NAXE: variants seen among roughly 807,000 people sequenced by gnomAD.
NAXE encodes the protein NAD(P)H-hydrate epimerase.
A neutral mutation model predicts 31.2 loss-of-function variants in NAXE; 25 were observed. The observed-to-expected ratio is 0.80, with a 90% confidence interval of 0.58 to 1.12. The LOEUF (loss-of-function observed/expected upper bound fraction) is 1.12, where lower values mean the gene tolerates loss of function less well. NAXE is among the 50% of genes most tolerant of loss of function. The pLI is 0.00. For synonymous variants in NAXE, 144 were observed against 154.5 expected (o/e 0.93, Z 0.50); for missense variants, 362 against 376.1 (o/e 0.96, Z 0.31).
intron 4 of NAXE, chr1:156,592,935 C>T (rs1175535079): frequency 2.0e-6 from 1 of 507,098 alleles, no homozygotes; most frequent in Non-Finnish European, 3.5e-6. Context: ...CTTGCCCTAG[C>T]ATGCAGTAAA....
chr1:156,593,491 C>G lies in NAXE; in HGVS notation c.600C>G (p.Phe200Leu). 6.2e-7 allele frequency: 1 copy of G among 1,614,194 alleles called. No individual in the cohort carries two copies. The highest frequency in any genetic ancestry group is 1.6e-4 in the Middle Eastern group (1 of 6,062). Residue 200 changes from phenylalanine (F) to leucine (L), a missense_variant, in exon 5 of 6, where the codon TTC (phenylalanine) becomes TTG (leucine). By Grantham distance (22) the Phe-to-Leu change is conservative. Transcript: ENST00000368235. ...TCAAGGGCGATGTTCGGGAACCGTT[C>G]CACAGCATCCTGAGTGTCCTGAAGG... ...FSFKGDVREP[F>L]HSILSVLKGL...
At chr1:156,593,716 T>G (rs1334516580) in intron 5 of NAXE, 161 bp downstream of exon 5, 7 of 1,336,830 alleles carry the variant, frequency 5.2e-6, no homozygotes, top group Non-Finnish European at 7.3e-6. Context: ...CCTTTACATG[T>G]TGGCCCCATG....
At chr1:156,592,513 T>C (rs757334952) in intron 3 of NAXE, 38 bp downstream of exon 3, 1 of 1,613,256 alleles carries the variant, frequency 6.2e-7, no homozygotes, top group South Asian at 1.1e-5. Flanking sequence ...GAGGAGGGCG[T>C]GAGGGCTCTG....
At position 156,593,377 on chromosome 1, in the gene NAXE, G is replaced by A. The variant is rs746753138; in HGVS notation, c.517-31G>A. On this transcript the variant is annotated intron_variant, in intron 4 of 5. Transcript: ENST00000368235. Reference sequence around the variant, plus strand: ...GTTAAGGCTGTTTGTGCAGCTGCTGGCTCTGACATCCTTTTCCTGCTCCAC... The same window carrying A: ...GTTAAGGCTGTTTGTGCAGCTGCTGACTCTGACATCCTTTTCCTGCTCCAC... The A allele has an allele frequency of 6.9e-6, 11 of 1,600,082 alleles. No homozygotes were observed. In the South Asian group the frequency reaches 1.1e-4, roughly 16 times the overall value.
In NAXE at chr1:156,592,681, C is replaced by G; in HGVS notation, c.516+11C>G. The G allele has an allele frequency of 6.3e-7, 1 of 1,596,646 alleles. No individual in the cohort carries two copies. Among genetic ancestry groups the G allele is most frequent in the Non-Finnish European group, 8.6e-7 (1 of 1,164,816 alleles). On this transcript the variant is annotated intron_variant, in intron 4 of 5. Coordinates refer to ENST00000368235, the MANE Select transcript of NAXE (RefSeq NM_144772.3). ...GAAATGCCCGCAGAGGTAGGTGGCT[C>G]CAGTTGAATACCTCCATCCTACAGT...
intron 4 of NAXE, chr1:156,592,979 G>A: frequency 2.3e-6 from 1 of 428,160 alleles, no homozygotes. Context: ...CGGAGTGGCT[G>A]CCCTATCTGA....
chr1:156,592,236 G>A (rs371528001), intron 2 of NAXE, 27 bp downstream of exon 2: 13 of 1,612,448 alleles, frequency 8.1e-6, no homozygotes, highest in African/African-American at 1.3e-5. Flanking sequence ...TCGACCTTTG[G>A]GAGCAGCCAG....
chr1:156,592,784 A>G, intron 4 of NAXE, 114 bp downstream of exon 4: 1 of 958,750 alleles, frequency 1.0e-6, no homozygotes, highest in South Asian at 1.5e-5. Flanking sequence ...AAGGTGCCTA[A>G]CGGATGGTAT....
At position 156,591,994 on chromosome 1, in the gene NAXE, CG is replaced by C; in HGVS notation, c.182+11del. 6.2e-7 allele frequency: 1 copy of C among 1,613,344 alleles called. No homozygotes were observed. Among genetic ancestry groups the C allele is most frequent in the Non-Finnish European group, 8.5e-7 (1 of 1,179,738 alleles). ...GGTGGTGAAGTACCTGAGGTAGGCA[CG>C]GGTCTCGGGTGGCCTGCTCTGCCCC... On this transcript the variant is annotated intron_variant, in intron 1 of 5. Coordinates refer to ENST00000368235, the MANE Select transcript of NAXE (RefSeq NM_144772.3).
rs538488834 is a variant in NAXE, at chr1:156,592,215, T to C, written c.291+6T>C. Reference sequence around the variant, plus strand: ...GTGCTACAGCCATCGCCAAGGTCAGTGGCACAACTCTCGACCTTTGGGAGC... The same window carrying C: ...GTGCTACAGCCATCGCCAAGGTCAGCGGCACAACTCTCGACCTTTGGGAGC... On this transcript the variant is annotated splice_donor_region_variant and intron_variant, in intron 2 of 5. Coordinates refer to ENST00000368235, the MANE Select transcript of NAXE (RefSeq NM_144772.3). 399 of 1,613,910 alleles carry C rather than the reference T, an allele frequency of 2.5e-4. No individual in the cohort carries two copies. Among genetic ancestry groups the C allele is most frequent in the Non-Finnish European group, 2.7e-4 (320 of 1,179,934 alleles).
At position 156,593,464 on chromosome 1, in the gene NAXE, C is replaced by T. The variant is rs1057415333; in HGVS notation, c.573C>T (p.Ser191=). The T allele has an allele frequency of 6.2e-7, 1 of 1,614,154 alleles. No individual in the cohort carries two copies. ...TGGTGGATGCCATCTTTGGCTTCAGCTTCAAGGGCGATGTTCGGGAACCGT... is the reference window on the plus strand; with the variant it reads ...TGGTGGATGCCATCTTTGGCTTCAGTTTCAAGGGCGATGTTCGGGAACCGT... ...ELVVDAIFGF[S]FKGDVREPFH... The change falls in exon 5 of 6, where the codon AGC becomes AGT. Residue 191 remains serine (S), a synonymous_variant. Coordinates refer to ENST00000368235, the MANE Select transcript of NAXE (RefSeq NM_144772.3).
Position 156,591,783 on chromosome 1 carries a change from G to GCCGGGCCGGA in NAXE, c.-22_-21insCCGGGCCGGA, listed in dbSNP as rs1553232269. 4 of 1,503,006 alleles carry GCCGGGCCGGA rather than the reference G, an allele frequency of 2.7e-6. No homozygotes were observed. The African/African-American group carries it at 5.8e-5, about 22-fold the overall frequency. The allele number at this position is 1,503,006 out of a possible 1,614,324, so 93.1% of individuals were successfully genotyped here. ...ATGCGCCGGGGCCGGGCCGGGCCGG[G>GCCGGGCCGGA]GGCGCGCGCTCTGCGAGCTGGATGT... On this transcript the variant is annotated 5_prime_UTR_variant, in exon 1 of 6. Transcript: ENST00000368235.
At position 156,593,410 on chromosome 1, in the gene NAXE, C is replaced by G. The variant is rs759582216; in HGVS notation, c.519C>G (p.Pro173=). Residue 173 remains proline, a splice_region_variant and synonymous_variant, in exon 5 of 6, where the codon CCC becomes CCG. Coordinates refer to ENST00000368235, the MANE Select transcript of NAXE (RefSeq NM_144772.3). ...IPFLGEMPAE[P]MTIDELYELV... is the part of the protein sequence containing the mutation. The stretch of plus-strand genomic sequence containing the variant: ...ATCCTTTTCCTGCTCCACCACAGCC[C>G]ATGACGATTGATGAACTGTATGAGC... 1 of 1,613,446 alleles carries G rather than the reference C, an allele frequency of 6.2e-7. No individual in the cohort carries two copies. The highest frequency in any genetic ancestry group is 8.5e-7 in the Non-Finnish European group (1 of 1,179,650).
chr1:156,593,112 A>G (rs527654537), intron 4 of NAXE: 11 of 447,846 alleles, frequency 2.5e-5, no homozygotes, highest in Middle Eastern at 5.9e-4. Flanking sequence ...ACTAAATTGT[A>G]TCATGGCAGA....
chr1:156,592,274 C>T, intron 2 of NAXE, 65 bp downstream of exon 2: 2 of 1,605,180 alleles, frequency 1.2e-6, no homozygotes, highest in Non-Finnish European at 1.7e-6. Context: ...AGCCCCCTGG[C>T]CTAGGCACAA....
At chr1:156,592,268 C>T in intron 2 of NAXE, 59 bp downstream of exon 2, 1 of 1,608,114 alleles carries the variant, frequency 6.2e-7, no homozygotes, top group Non-Finnish European at 8.5e-7. Context: ...TGTCCCAGCC[C>T]CCTGGCCTAG....
chr1:156,592,075 G>A lies in NAXE; in HGVS notation c.183-26G>A, dbSNP rs1363370204. On this transcript the variant is annotated intron_variant, in intron 1 of 5. Coordinates refer to ENST00000368235, the MANE Select transcript of NAXE (RefSeq NM_144772.3). Reference sequence around the variant, plus strand: ...TGCGCGACAGAGAACACGAGGGGCGGGACTCAGGCCGCGGGTTTTCCTCAG... The same window carrying A: ...TGCGCGACAGAGAACACGAGGGGCGAGACTCAGGCCGCGGGTTTTCCTCAG... 1.9e-6 allele frequency: 3 copies of A among 1,614,016 alleles called. No homozygotes were observed. In the East Asian group the frequency reaches 6.7e-5, roughly 36 times the overall value.
chr1:156,592,389 A>G lies in NAXE; in HGVS notation c.316A>G (p.Arg106Gly). The G allele has an allele frequency of 2.5e-6, 4 of 1,614,136 alleles. No individual in the cohort carries two copies. The highest frequency in any genetic ancestry group is 1.7e-4 in the Middle Eastern group (1 of 6,054). The change falls in exon 3 of 6, where the codon AGG becomes GGG. Residue 106 changes from arginine (R) to glycine (G), a missense_variant. Physicochemically the swap from Arg to Gly is moderately radical, Grantham distance 125 (BLOSUM62 -2). Transcript: ENST00000368235. ...GGCATATCCCCCCACGTCCATGTCCAGGAGCCCCCCTACTGTCCTGGTCAT... is the reference window on the plus strand; with the variant it reads ...GGCATATCCCCCCACGTCCATGTCCGGGAGCCCCCCTACTGTCCTGGTCAT... ...AKAYPPTSMS[R>G]SPPTVLVICG...
chr1:156,592,463 C>T lies in NAXE; in HGVS notation c.390C>T (p.His130=). The T allele has an allele frequency of 6.2e-7, 1 of 1,614,134 alleles. No individual in the cohort carries two copies. The highest frequency in any genetic ancestry group is 1.3e-5 in the African/African-American group (1 of 75,022). The stretch of plus-strand genomic sequence containing the variant: ...GAGATGGTCTGGTCTGTGCTCGACA[C>T]CTCAAACTCTTTGTGAGTATGTGGG... ...NGGDGLVCAR[H]LKLFGYEPTI... The change falls in exon 3 of 6, where the codon CAC becomes CAT. Residue 130 remains histidine, a synonymous_variant. Transcript: ENST00000368235.
Sources: gnomAD v4.1 joint callset for allele counts on GRCh38, gnomAD v4.1.1 for gene constraint, MANE v1.5 for transcripts, NCBI Gene and HGNC (gene_info 2026-07-23, HGNC 2026-07-21) for gene names.